SNAPC3: variants seen among roughly 807,000 people sequenced by gnomAD.
SNAPC3 encodes the protein snRNA-activating protein complex subunit 3.
A neutral mutation model predicts 47.7 loss-of-function variants in SNAPC3; 56 were observed. The ratio of observed to expected loss-of-function variants is 1.18; its 90% confidence interval spans 0.95 to 1.47. The LOEUF is 1.47. Among genes scored for constraint, SNAPC3 ranks in the 40% most tolerant of loss-of-function variants. The pLI, the probability that SNAPC3 is intolerant of heterozygous loss-of-function variation, is 0.00. For missense variants in SNAPC3, 665 were observed against 511.3 expected (o/e 1.30, Z -2.90); for synonymous variants, 235 against 189.9 (o/e 1.24, Z -1.95).
At chr9:15,465,696 A>C, downstream of SNAPC3, 1 of 794,514 alleles carries the variant, frequency 1.3e-6, no homozygotes, top group Non-Finnish European at 2.0e-6. Flanking sequence ...AACCAACCAA[A>C]CAAAAGAAAA....
intron 3 of SNAPC3, among the ~76,000 whole-genome samples, chr9:15,443,706 C>G (rs944277028): frequency 6.6e-6 from 1 of 152,160 alleles, no homozygotes; most frequent in Non-Finnish European, 1.5e-5. Flanking sequence ...ATCACCAGAC[C>G]AACCAAAACA....
chr9:15,464,403 A>G (rs1000302981), downstream of SNAPC3: 36 of 196,854 alleles, frequency 1.8e-4, no homozygotes, highest in South Asian at 3.8e-4. Flanking sequence ...AATATTCAAA[A>G]TATCTTAGAA....
intron 7 of SNAPC3, among the ~76,000 whole-genome samples, chr9:15,456,471 T>C (rs551724212): frequency 7.4e-4 from 107 of 145,244 alleles, no homozygotes; most frequent in African/African-American, 2.4e-3. Context: ...CAATTTACAC[T>C]TTTTTTTTTT....
Position 15,440,384 on chromosome 9 carries a change from C to T in SNAPC3, c.478-4218C>T, listed in dbSNP as rs148222695. ...CAGGTCTGCTGGTAGTAATTAATTC[C>T]CCTAGCTTTTGTTTATCTGCAAATG... On this transcript the variant is annotated intron_variant, in intron 3 of 8. Coordinates refer to ENST00000380821, the MANE Select transcript of SNAPC3 (RefSeq NM_001039697.2). Among the ~76,000 whole-genome samples the T allele has an allele frequency of 5.9e-3, 896 of 152,264 alleles. 1 individual carries two copies. Among genetic ancestry groups the T allele is most frequent in the Middle Eastern group, 0.02 (6 of 294 alleles).
At chr9:15,432,146 G>T (rs949913577) in intron 2 of SNAPC3, 18 of 152,208 alleles carry the variant, frequency 1.2e-4, no homozygotes, top group African/African-American at 4.1e-4. Context: ...GTGAAAGCTG[G>T]ATTTCTCACT....
downstream of SNAPC3, chr9:15,462,600 G>A (rs573950328): frequency 6.6e-6 from 1 of 152,268 alleles, no homozygotes; most frequent in East Asian, 1.9e-4. Flanking sequence ...CAACCTGCTT[G>A]GTAGTTGAAT....
chr9:15,463,209 A>G (rs1445498256), downstream of SNAPC3: 1 of 126,694 alleles, frequency 7.9e-6, no homozygotes, highest in African/African-American at 2.9e-5. Flanking sequence ...TGGTCATGGT[A>G]TGACTCTTTT....
In SNAPC3 at chr9:15,457,954, C is replaced by G; in HGVS notation, c.981-6C>G. On this transcript the variant is annotated splice_region_variant and splice_polypyrimidine_tract_variant and intron_variant, in intron 7 of 8. Coordinates refer to ENST00000380821, the MANE Select transcript of SNAPC3 (RefSeq NM_001039697.2). ...CTTAATATCTTTATTTTCCCACGAA[C>G]AAAAGGCTTGTGCATCATGATGACT... 6.5e-7 allele frequency: 1 copy of G among 1,546,808 alleles called. No individual in the cohort carries two copies. The highest frequency in any genetic ancestry group is 2.3e-5 in the East Asian group (1 of 43,584).
intron 3 of SNAPC3, among the ~76,000 whole-genome samples, chr9:15,439,470 A>C (rs1253669168): frequency 6.6e-6 from 1 of 152,166 alleles, no homozygotes; most frequent in African/African-American, 2.4e-5. Context: ...ATACTCCCAC[A>C]TCAGCTTTCT....
rs199645803 is a variant in SNAPC3, at chr9:15,459,696, A to G, written c.1089-23A>G. The stretch of plus-strand genomic sequence containing the variant: ...ATGGCAAATTTGATTGTAATGATGT[A>G]CTTCTTTTTTTAAAAACTACAGATG... On this transcript the variant is annotated intron_variant, in intron 8 of 8. Transcript: ENST00000380821. 55 of 1,606,454 alleles carry G rather than the reference A, an allele frequency of 3.4e-5. No homozygotes were observed. In the African/African-American group the frequency reaches 6.6e-4, roughly 19 times the overall value.
chr9:15,443,234 A>G (rs2033653670), intron 3 of SNAPC3, among the ~76,000 whole-genome samples: 1 of 152,198 alleles, frequency 6.6e-6, no homozygotes, highest in African/African-American at 2.4e-5. Context: ...GTCTTTGTTT[A>G]GTGGACTTTT....
chr9:15,428,956 A>C (rs1219704865), intron 2 of SNAPC3, among the ~76,000 whole-genome samples: 1 of 152,094 alleles, frequency 6.6e-6, no homozygotes, highest in Middle Eastern at 3.2e-3. Context: ...ATCCAGCAAA[A>C]GTTTCCAGAA....
intron 7 of SNAPC3, among the ~76,000 whole-genome samples, chr9:15,455,046 AAGT>A (rs1165258681): frequency 1.3e-5 from 2 of 152,230 alleles, no homozygotes; most frequent in Admixed American, 1.3e-4. Context: ...GCTTAGGTAG[AAGT>A]AGCAGTAATT....
chr9:15,453,002 T>G, intron 6 of SNAPC3, 39 bp from the exon 7 acceptor site: 1 of 1,525,530 alleles, frequency 6.6e-7, no homozygotes. Flanking sequence ...TTTAAGTTTT[T>G]GTGGAAAAAT....
chr9:15,466,555 T>A (rs940506553), downstream of SNAPC3, among the ~76,000 whole-genome samples: 70 of 152,362 alleles, frequency 4.6e-4, no homozygotes, highest in Non-Finnish European at 3.1e-4. Flanking sequence ...TCCCTTGAAT[T>A]CAGTGGCAAA....
At chr9:15,444,002 GCTGCCTACT>G (rs1345205731) in intron 3 of SNAPC3, among the ~76,000 whole-genome samples, 1 of 152,218 alleles carries the variant, frequency 6.6e-6, no homozygotes, top group African/African-American at 2.4e-5. Flanking sequence ...AGGCCCTGGA[GCTGCCTACT>G]CTATTTTGTG....
At chr9:15,446,590 AT>A (rs1371761691) in intron 4 of SNAPC3, among the ~76,000 whole-genome samples, 3 of 152,106 alleles carry the variant, frequency 2.0e-5, no homozygotes, top group Non-Finnish European at 4.4e-5. Flanking sequence ...TTTTTATTAC[AT>A]TTCCTTAGAG....
At chr9:15,442,360 C>T (rs1281174361) in intron 3 of SNAPC3, among the ~76,000 whole-genome samples, 1 of 151,778 alleles carries the variant, frequency 6.6e-6, no homozygotes, top group Non-Finnish European at 1.5e-5. Context: ...CAGAGACGCT[C>T]CTCACCTCCC....
At chr9:15,457,482 C>G (rs1377719611) in intron 7 of SNAPC3, among the ~76,000 whole-genome samples, 1 of 152,122 alleles carries the variant, frequency 6.6e-6, no homozygotes, top group African/African-American at 2.4e-5. Flanking sequence ...GTAGTCCCAA[C>G]TACTGGAGAG....
Sources: allele counts gnomAD v4.1 joint callset (sites outside exome capture counted in the v4.1 genomes callset), GRCh38; gene constraint gnomAD v4.1.1; transcripts MANE v1.5; gene names NCBI Gene and HGNC (gene_info 2026-07-23, HGNC 2026-07-21).